The following DCBLD1 variants were observed in gnomAD, a reference collection of about 807,000 sequenced individuals.
DCBLD1 encodes the protein discoidin, CUB and LCCL domain containing 1, also known as discoidin, CUB and LCCL domain-containing protein 1.
DCBLD1 carries 57 observed loss-of-function variants against 71.5 expected under a neutral mutation model. That is an observed-to-expected ratio of 0.80 (90% CI 0.64 to 0.99). DCBLD1 has a LOEUF of 0.99. DCBLD1 is among the 50% of genes least tolerant of loss of function. The probability of loss-of-function intolerance (pLI) is 0.00; values close to 1 mark genes in which losing one functional copy is unlikely to be tolerated. For missense variants in DCBLD1, 891 were observed against 923.5 expected, an observed-to-expected ratio of 0.96 and a Z score of 0.46; for synonymous variants, 380 against 363.8, an observed-to-expected ratio of 1.04 and a Z score of -0.51.
chr6:117,532,414 T>C, intron 6 of DCBLD1, 21 bp downstream of exon 6: 1 of 1,586,108 alleles, frequency 6.3e-7, no homozygotes, highest in East Asian at 2.2e-5. Context: ...TTTTTCAGTA[T>C]CGTTTGTTCT....
intron 11 of DCBLD1, 140 bp downstream of exon 11, chr6:117,541,165 A>ACATACATCATTTTACAT: frequency 1.4e-6 from 1 of 696,140 alleles, no homozygotes; most frequent in Non-Finnish European, 2.4e-6. Context: ...ACATATGTAA[A>ACATACATCATTTTACAT]ATGATGTATG....
intron 1 of DCBLD1, among the ~76,000 whole-genome samples, chr6:117,499,651 A>G (rs1485304171): frequency 6.6e-6 from 1 of 152,190 alleles, no homozygotes; most frequent in African/African-American, 2.4e-5. Context: ...TCCCTCAATT[A>G]TAACATCTTT....
intron 5 of DCBLD1, among the ~76,000 whole-genome samples, chr6:117,526,329 T>G (rs147657528): frequency 1.7e-4 from 26 of 152,336 alleles, no homozygotes; most frequent in African/African-American, 6.3e-4. Flanking sequence ...ATAAATTGAC[T>G]CTTAAAATGT....
At chr6:117,525,458 G>A (rs1374091728) in intron 5 of DCBLD1, 24 bp downstream of exon 5, 2 of 1,441,522 alleles carry the variant, frequency 1.4e-6, no homozygotes, top group Non-Finnish European at 1.8e-6. Flanking sequence ...GGTAATGGCA[G>A]AGAATGAATT....
At chr6:117,566,093 A>G (rs1779691154) in intron 14 of DCBLD1, among the ~76,000 whole-genome samples, 1 of 152,214 alleles carries the variant, frequency 6.6e-6, no homozygotes, top group South Asian at 2.1e-4. Context: ...CAAGGAAGAA[A>G]ACAATGATTA....
chr6:117,552,077 G>A (rs1184065478), downstream of DCBLD1, among the ~76,000 whole-genome samples: 5 of 152,146 alleles, frequency 3.3e-5, no homozygotes, highest in African/African-American at 1.2e-4. Flanking sequence ...CCAAGATCAC[G>A]CCACGGCACT....
intron 1 of DCBLD1, among the ~76,000 whole-genome samples, chr6:117,500,917 AAAAT>A (rs1777635559): frequency 6.6e-6 from 1 of 152,202 alleles, no homozygotes; most frequent in Non-Finnish European, 1.5e-5. Context: ...TCACTTTAAA[AAAAT>A]AAAATTTAGA....
At chr6:117,521,460 T>A in intron 3 of DCBLD1, 65 bp from the exon 4 acceptor site, 1 of 1,330,490 alleles carries the variant, frequency 7.5e-7, no homozygotes, top group Non-Finnish European at 1.0e-6. Context: ...AAAAGAAAGC[T>A]TTGCAGCATG....
chr6:117,568,021 C>A (rs1425973127), intron 14 of DCBLD1, among the ~76,000 whole-genome samples: 4 of 126,674 alleles, frequency 3.2e-5, no homozygotes, highest in Non-Finnish European at 6.5e-5. Context: ...CAAAACCCAT[C>A]TCTACAAAAA....
At chr6:117,519,441 AT>A (rs898240986) in intron 2 of DCBLD1, among the ~76,000 whole-genome samples, 1 of 152,134 alleles carries the variant, frequency 6.6e-6, no homozygotes, top group Non-Finnish European at 1.5e-5. Context: ...CGAAAAAATG[AT>A]TTTTTTAGTT....
chr6:117,526,424 A>G (rs1778549092), intron 5 of DCBLD1, among the ~76,000 whole-genome samples: 1 of 152,156 alleles, frequency 6.6e-6, no homozygotes, highest in Non-Finnish European at 1.5e-5. Flanking sequence ...AAAAGTTGAC[A>G]TTTTTTCCCA....
chr6:117,525,473 GGAGT>G, intron 5 of DCBLD1, 39 bp downstream of exon 5: 4 of 1,404,122 alleles, frequency 2.8e-6, no homozygotes, highest in Non-Finnish European at 3.8e-6. Flanking sequence ...TGAATTAAAA[GGAGT>G]AAGTGCTTTA....
chr6:117,568,672 A>G (rs1203952694), intron 14 of DCBLD1, among the ~76,000 whole-genome samples: 4 of 152,228 alleles, frequency 2.6e-5, no homozygotes, highest in Non-Finnish European at 5.9e-5. Flanking sequence ...TGACAGAATT[A>G]GATCTGTGAG....
rs187475922 is a variant in DCBLD1 at position 117,549,132 on chromosome 6, G to A, written c.*693G>A. ...CGTTTCCTTAGTCTCCACTTCAGAG[G>A]GGGATGCGAAGAGGTCGGCCCAGCT... On this transcript the variant is annotated 3_prime_UTR_variant, in exon 15 of 15. Transcript: ENST00000338728. 388 of 985,642 alleles carry A rather than the reference G, an allele frequency of 3.9e-4. 2 individuals carry two copies. In the African/African-American group the frequency reaches 6.3e-3, roughly 16 times the overall value. 61.1% of individuals were successfully genotyped at this position (985,642 alleles called of 1,614,324 possible).
rs192600131 is a variant in DCBLD1 at position 117,549,066 on chromosome 6, G to T, written c.*627G>T. Reference sequence around the variant, plus strand: ...TGTTTATTTAGCAATTATGACTGTAGATTTAAAAACAAGCAAAGAAACAAC... The same window carrying T: ...TGTTTATTTAGCAATTATGACTGTATATTTAAAAACAAGCAAAGAAACAAC... On this transcript the variant is annotated 3_prime_UTR_variant, in exon 15 of 15. Transcript: ENST00000338728. The T allele has an allele frequency of 5.6e-5, 55 of 986,016 alleles. No individual in the cohort carries two copies. The highest frequency in any genetic ancestry group is 1.8e-4 in the Admixed American group (3 of 16,368). 61.1% of individuals were successfully genotyped at this position (986,016 alleles called of 1,614,324 possible).
At chr6:117,546,884 T>C (rs1376401459) in intron 14 of DCBLD1, among the ~76,000 whole-genome samples, 1 of 152,122 alleles carries the variant, frequency 6.6e-6, no homozygotes, top group Non-Finnish European at 1.5e-5. Flanking sequence ...CACAATCGAA[T>C]CCATTGTTCC....
At position 117,503,842 on chromosome 6, in the gene DCBLD1, C is replaced by A. The variant is rs201734669; in HGVS notation, c.188C>A (p.Pro63His). The A allele has an allele frequency of 1.2e-5, 20 of 1,613,920 alleles. No homozygotes were observed. Among genetic ancestry groups the A allele is most frequent in the Non-Finnish European group, 1.7e-5 (20 of 1,180,000 alleles). The stretch of plus-strand genomic sequence containing the variant: ...TCTAAGAATTATCCCGGGACCTACC[C>A]CAATCACACTGTTTGCGAAAAGACA... ...MTSKNYPGTY[P>H]NHTVCEKTIT... Residue 63 changes from proline (P) to histidine (H), a missense_variant, in exon 2 of 15, where the codon CCC becomes CAC. Pro to His is a moderately conservative substitution (Grantham distance 77). Coordinates refer to ENST00000338728, the MANE Select transcript of DCBLD1 (RefSeq NM_001366458.2).
rs1245175687 is a variant in DCBLD1, at chr6:117,549,497, T to G, written c.*1058T>G. ...CAGCTGTACCTCATGCTCAGTAGTT[T>G]TTATTTGAGTTTCTTTTGTGAGTTA... On this transcript the variant is annotated 3_prime_UTR_variant, in exon 15 of 15. Transcript: ENST00000338728. 1 of 985,248 alleles carries G rather than the reference T, an allele frequency of 1.0e-6. No individual in the cohort carries two copies. The highest frequency in any genetic ancestry group is 1.2e-6 in the Non-Finnish European group (1 of 829,932). The allele number at this position is 985,248 out of a possible 1,614,324, so 61.0% of individuals were successfully genotyped here.
rs1051745633 is a variant in DCBLD1, at chr6:117,544,470, G to A, written c.1446-58G>A. 1.3e-5 allele frequency: 20 copies of A among 1,572,780 alleles called. No individual in the cohort carries two copies. In the African/African-American group the frequency reaches 2.6e-4, roughly 20 times the overall value. On this transcript the variant is annotated intron_variant, in intron 12 of 14. Coordinates refer to ENST00000338728, the MANE Select transcript of DCBLD1 (RefSeq NM_001366458.2). ...TATTATGATCCTTATGTTATATAGG[G>A]AGAGAGAGGCAGATACATTGGCTTA...
Sources: allele counts gnomAD v4.1 joint callset (sites outside exome capture counted in the v4.1 genomes callset), GRCh38; gene constraint gnomAD v4.1.1; transcripts MANE v1.5; gene names NCBI Gene and HGNC (gene_info 2026-07-23, HGNC 2026-07-21).